Variants in NDST4 observed in about 807,000 individuals in gnomAD.
NDST4 encodes N-heparan sulfate sulfotransferase 4.
In NDST4, 63 loss-of-function variants were observed where a neutral mutation model predicts 100.8. That is an observed-to-expected ratio of 0.62 (90% CI 0.51 to 0.77). The LOEUF (loss-of-function observed/expected upper bound fraction) is 0.77, where lower values mean the gene tolerates loss of function less well. Among genes scored for constraint, NDST4 ranks in the 30% least tolerant of loss-of-function variants. NDST4 has a pLI of 0.00. For missense variants in NDST4, 943 were observed against 1,018.4 expected, an observed-to-expected ratio of 0.93 and a Z score of 1.01; for synonymous variants, 377 against 361.8, an observed-to-expected ratio of 1.04 and a Z score of -0.48.
intron 2 of NDST4, among the ~76,000 whole-genome samples, chr4:115,057,306 T>C (rs1245083588): frequency 1.3e-5 from 2 of 151,668 alleles, no homozygotes. Context: ...GGCATTCTAG[T>C]ATAAACATTA....
intron 6 of NDST4, among the ~76,000 whole-genome samples, chr4:114,876,553 C>G (rs1724258365): frequency 6.6e-6 from 1 of 152,110 alleles, no homozygotes; most frequent in Non-Finnish European, 1.5e-5. Context: ...ACACACATAA[C>G]TATTGATAAT....
At chr4:114,842,080 C>T (rs1435570611) in intron 10 of NDST4, among the ~76,000 whole-genome samples, 1 of 152,162 alleles carries the variant, frequency 6.6e-6, no homozygotes, top group Non-Finnish European at 1.5e-5. Flanking sequence ...ACACAAAATG[C>T]ACTCACATCG....
chr4:114,905,632 G>T (rs1012221625), intron 6 of NDST4, among the ~76,000 whole-genome samples: 3 of 151,856 alleles, frequency 2.0e-5, no homozygotes, highest in Non-Finnish European at 4.4e-5. Flanking sequence ...GTCTTACTAT[G>T]TGTAAATAAA....
intron 4 of NDST4, among the ~76,000 whole-genome samples, chr4:114,950,068 T>G (rs774069126): frequency 1.7e-4 from 26 of 151,864 alleles, no homozygotes; most frequent in Non-Finnish European, 3.7e-4. Context: ...AACTGGAAAA[T>G]TGTTATTTCA....
intron 1 of NDST4, among the ~76,000 whole-genome samples, chr4:115,084,705 T>C (rs954190234): frequency 1.3e-5 from 2 of 152,218 alleles, no homozygotes; most frequent in Non-Finnish European, 2.9e-5. Context: ...TCATGTGGTG[T>C]TGGGCCTGTT....
In NDST4 at chr4:114,913,035, T is replaced by C. The variant is rs146950619; in HGVS notation, c.1536+22171A>G. Among the ~76,000 whole-genome samples, 2,076 of 152,196 alleles carry C rather than the reference T, an allele frequency of 0.014. 91 individuals are homozygous for C. In the South Asian group the frequency reaches 0.16, roughly 11 times the overall value. On this transcript the variant is annotated intron_variant, in intron 6 of 13. Transcript: ENST00000264363. ...GATTCTGACTTTCTCTGTAATATTA[T>C]GAGTTTGTTTTTCAATGAGCATTGA...
intron 6 of NDST4, 56 bp downstream of exon 6, chr4:114,935,150 T>C: frequency 1.5e-6 from 2 of 1,322,082 alleles, no homozygotes; most frequent in Non-Finnish European, 2.0e-6. Flanking sequence ...GACAGGAAAA[T>C]AAAACACATT....
chr4:114,835,423 G>A (rs1189973040), intron 11 of NDST4, among the ~76,000 whole-genome samples: 3 of 152,300 alleles, frequency 2.0e-5, no homozygotes, highest in South Asian at 2.1e-4. Flanking sequence ...GTAGTTGTGC[G>A]GTTTTGAGTG....
At chr4:114,968,447 C>A (rs1726432878) in intron 4 of NDST4, among the ~76,000 whole-genome samples, 1 of 152,106 alleles carries the variant, frequency 6.6e-6, no homozygotes, top group African/African-American at 2.4e-5. Context: ...TTGTTAGATT[C>A]TTAAAGGAAT....
chr4:114,999,362 T>C (rs192213442), intron 2 of NDST4, among the ~76,000 whole-genome samples: 1 of 152,192 alleles, frequency 6.6e-6, no homozygotes, highest in East Asian at 1.9e-4. Flanking sequence ...CTCAATTCCA[T>C]TATTTGTAAA....
At chr4:115,031,355 A>G (rs1333777217) in intron 2 of NDST4, among the ~76,000 whole-genome samples, 2 of 152,080 alleles carry the variant, frequency 1.3e-5, no homozygotes, top group Admixed American at 6.6e-5. Flanking sequence ...AAGGAGATCA[A>G]TTGCTGAGAT....
At chr4:114,834,557 T>G (rs1383273448) in intron 11 of NDST4, among the ~76,000 whole-genome samples, 1 of 144,542 alleles carries the variant, frequency 6.9e-6, no homozygotes, top group Non-Finnish European at 1.5e-5. Flanking sequence ...AAAAGGTCAA[T>G]GGTAAGGCCC....
At chr4:115,072,274 T>C (rs574140765) in intron 2 of NDST4, among the ~76,000 whole-genome samples, 1 of 152,202 alleles carries the variant, frequency 6.6e-6, no homozygotes, top group South Asian at 2.1e-4. Flanking sequence ...ATGTCTATGA[T>C]ATCCAAAATG....
chr4:115,084,534 G>A (rs1293719605), intron 1 of NDST4, among the ~76,000 whole-genome samples: 1 of 152,092 alleles, frequency 6.6e-6, no homozygotes, highest in Non-Finnish European at 1.5e-5. Flanking sequence ...GGCCTAGGAG[G>A]AAAAAATGGA....
rs574716676 is a variant in NDST4, at chr4:114,909,207, C to A, written c.1536+25999G>T. 2.2e-4 allele frequency among the ~76,000 whole-genome samples: 34 copies of A among 152,040 alleles called. 1 individual carries two copies. The South Asian group carries it at 5.0e-3, about 22-fold the overall frequency. On this transcript the variant is annotated intron_variant, in intron 6 of 13. Coordinates refer to ENST00000264363, the MANE Select transcript of NDST4 (RefSeq NM_022569.3). ...CAATATAAAGTAGAGTAAATAATGA[C>A]CAAGATAATTAAAAAGTTAATGTTT...
intron 6 of NDST4, among the ~76,000 whole-genome samples, chr4:114,887,855 T>C (rs1724512032): frequency 6.6e-6 from 1 of 152,156 alleles, no homozygotes; most frequent in South Asian, 2.1e-4. Flanking sequence ...AATTTCAGGT[T>C]TTTCTTCACT....
chr4:114,926,609 A>C (rs1264582311), intron 6 of NDST4, among the ~76,000 whole-genome samples: 1 of 152,122 alleles, frequency 6.6e-6, no homozygotes, highest in Non-Finnish European at 1.5e-5. Context: ...TTTTGAACAC[A>C]GAATAGATAC....
chr4:114,916,536 C>CTGTGTG (rs537961796), intron 6 of NDST4, among the ~76,000 whole-genome samples: 1,395 of 129,012 alleles, frequency 0.011, 15 homozygotes, highest in Admixed American at 0.03. Flanking sequence ...CTGGTAGGCT[C>CTGTGTG]TGTGTGTGTG....
chr4:114,946,898 T>C (rs1191580388), intron 4 of NDST4, among the ~76,000 whole-genome samples: 1 of 152,180 alleles, frequency 6.6e-6, no homozygotes, highest in Non-Finnish European at 1.5e-5. Flanking sequence ...GTGGCTACTA[T>C]TTTATTTTTA....
Sources: gnomAD v4.1 joint callset for allele counts (sites outside exome capture counted in the v4.1 genomes callset) on GRCh38, gnomAD v4.1.1 for gene constraint, MANE v1.5 for transcripts, NCBI Gene and HGNC (gene_info 2026-07-23, HGNC 2026-07-21) for gene names.